The following SERPINA12 variants were observed in gnomAD, a reference collection of about 807,000 sequenced individuals.
SERPINA12 encodes the protein serpin family A member 12, also known as serpin A12.
A neutral mutation model predicts 25.9 loss-of-function variants in SERPINA12; 21 were observed. The observed-to-expected ratio is 0.81, with a 90% confidence interval of 0.58 to 1.17. SERPINA12 has a LOEUF of 1.17. Ranked by LOEUF, SERPINA12 falls within the 50% of genes most tolerant of loss-of-function variation. The pLI, the probability that SERPINA12 is intolerant of heterozygous loss-of-function variation, is 0.00. For missense variants in SERPINA12, 562 were observed against 508.3 expected (o/e 1.11, Z -1.02); for synonymous variants, 220 against 196.0 (o/e 1.12, Z -1.02).
intron 2 of SERPINA12, among the ~76,000 whole-genome samples, chr14:94,497,189 A>C (rs1900465273): frequency 6.6e-6 from 1 of 152,174 alleles, no homozygotes; most frequent in African/African-American, 2.4e-5. Flanking sequence ...AATTGGAAAC[A>C]TTCTTCCATC....
At position 94,497,807 on chromosome 14, in the gene SERPINA12, G is replaced by A. The variant is rs755586418; in HGVS notation, c.591C>T (p.Asp197=). ...TTGCAAGAAGCATCACAGTGCCGGG[G>A]TCTATATTCTCGATCAGGTTGTTAA... is the stretch of plus-strand genomic sequence containing the variant. ...GKINNLIENI[D]PGTVMLLANY... Residue 197 remains aspartate (D), a synonymous_variant, in exon 2 of 5, where the codon GAC becomes GAT. Transcript: ENST00000677451. The A allele has an allele frequency of 6.2e-6, 10 of 1,613,650 alleles. No individual in the cohort carries two copies. The Admixed American group carries it at 8.3e-5, about 13-fold the overall frequency.
intron 3 of SERPINA12, among the ~76,000 whole-genome samples, chr14:94,491,902 G>A (rs976908381): frequency 2.6e-5 from 4 of 152,296 alleles, no homozygotes; most frequent in Non-Finnish European, 4.4e-5. Context: ...CATGGCAGTC[G>A]TGGTAATAGA....
At chr14:94,489,594 G>T in intron 4 of SERPINA12, 26 bp downstream of exon 4, 2 of 1,611,802 alleles carry the variant, frequency 1.2e-6, no homozygotes, top group Non-Finnish European at 1.7e-6. Flanking sequence ...GCTGCAGGGA[G>T]TGGAGTCCAG....
rs539976250 is a variant in SERPINA12 at position 94,490,870 on chromosome 14, G to A, written c.906-1103C>T. Among the ~76,000 whole-genome samples, 45 of 152,214 alleles carry A rather than the reference G, an allele frequency of 3.0e-4. No homozygotes were observed. The East Asian group carries it at 8.1e-3, about 27-fold the overall frequency. ...AAGCATTCCAGGTCCACCCCTTGAG[G>A]CTTCTCCTCCTTCCCCACCACTCCT... On this transcript the variant is annotated intron_variant, in intron 3 of 4. Transcript: ENST00000677451.
chr14:94,496,532 A>G lies in SERPINA12; in HGVS notation c.746T>C (p.Val249Ala). Residue 249 changes from valine (V) to alanine (A), a missense_variant, in exon 3 of 5, where the codon GTT becomes GCT. Val to Ala is a moderately conservative substitution (Grantham distance 64). Coordinates refer to ENST00000677451, the MANE Select transcript of SERPINA12 (RefSeq NM_001382267.1). ...PMMFRSGIYQ[V>A]GYDDKLSCTI... ...GCAAGAGAGCTTATCGTCATAGCCA[A>G]CTTGGTATATGCCACTACGGAACAT... 2.5e-6 allele frequency: 4 copies of G among 1,613,874 alleles called. No homozygotes were observed. The highest frequency in any genetic ancestry group is 1.3e-5 in the African/African-American group (1 of 74,976).
intron 3 of SERPINA12, among the ~76,000 whole-genome samples, chr14:94,490,508 G>A (rs2236245): frequency 0.13 from 19,068 of 151,820 alleles, 1,270 homozygotes; most frequent in Middle Eastern, 0.26. Context: ...TCCTGCCTAT[G>A]TGTCCTCTCT....
At chr14:94,499,066 T>C (rs368400986) in intron 1 of SERPINA12, among the ~76,000 whole-genome samples, 1 of 152,232 alleles carries the variant, frequency 6.6e-6, no homozygotes, top group Non-Finnish European at 1.5e-5. Context: ...TTCCAAGTTA[T>C]GAAAGCCAAT....
At chr14:94,501,454 T>C (rs1258211381) in intron 1 of SERPINA12, among the ~76,000 whole-genome samples, 1 of 152,202 alleles carries the variant, frequency 6.6e-6, no homozygotes, top group Non-Finnish European at 1.5e-5. Flanking sequence ...CCCTAAACAT[T>C]GTCAAGTTTC....
At chr14:94,512,962 A>G (rs1190369743), upstream of SERPINA12, among the ~76,000 whole-genome samples, 3 of 152,228 alleles carry the variant, frequency 2.0e-5, no homozygotes, top group African/African-American at 7.2e-5. Context: ...CCACACATCT[A>G]TTCTCCAAGA....
At position 94,489,478 on chromosome 14, in the gene SERPINA12, T is replaced by C; in HGVS notation, c.1053+142A>G. The C allele has an allele frequency of 5.7e-6, 5 of 881,260 alleles. No individual in the cohort carries two copies. The South Asian group carries it at 8.9e-5, about 16-fold the overall frequency. 54.6% of individuals were successfully genotyped at this position (881,260 alleles called of 1,614,324 possible). On this transcript the variant is annotated intron_variant, in intron 4 of 4. Coordinates refer to ENST00000677451, the MANE Select transcript of SERPINA12 (RefSeq NM_001382267.1). ...GGTTTGCCCAGGATCACGGGGTTGG[T>C]AAGGGGCACAGCTGCATTCATGCCC...
At position 94,509,324 on chromosome 14, in the gene SERPINA12, A is replaced by T. The variant is rs569852834; in HGVS notation, c.-34+18T>A. Among the ~76,000 whole-genome samples, 1 of 146,276 alleles carries T rather than the reference A, an allele frequency of 6.8e-6. No homozygotes were observed. Among genetic ancestry groups the T allele is most frequent in the South Asian group, 2.2e-4 (1 of 4,544 alleles). On this transcript the variant is annotated intron_variant, in intron 1 of 4. Transcript: ENST00000677451. ...CACACACACACACACACACACACAC[A>T]CTGCCCCTTGGACTAACCTCACCTC...
upstream of SERPINA12, chr14:94,510,197 G>A (rs1456674305): frequency 1.0e-6 from 1 of 985,252 alleles, no homozygotes; most frequent in Non-Finnish European, 1.2e-6. Context: ...TGGATCTGTG[G>A]TTGCCTGAGA....
chr14:94,496,083 A>G (rs1253504798), intron 3 of SERPINA12, among the ~76,000 whole-genome samples: 3 of 151,854 alleles, frequency 2.0e-5, no homozygotes, highest in African/African-American at 7.3e-5. Flanking sequence ...ACTGCCACTC[A>G]CCCTTGAAGA....
chr14:94,511,625 T>C, upstream of SERPINA12: 1 of 985,456 alleles, frequency 1.0e-6, no homozygotes, highest in Non-Finnish European at 1.2e-6. Flanking sequence ...GCCATTCGAC[T>C]TCTCCTTTGG....
chr14:94,493,489 G>A (rs957275189), intron 3 of SERPINA12, among the ~76,000 whole-genome samples: 2 of 152,116 alleles, frequency 1.3e-5, no homozygotes, highest in Admixed American at 6.5e-5. Context: ...CAGAGGGATG[G>A]GGGAGGCAGA....
chr14:94,517,185 G>A (rs1024135513), intron 1 of SERPINA12, among the ~76,000 whole-genome samples: 3 of 149,776 alleles, frequency 2.0e-5, no homozygotes, highest in African/African-American at 7.2e-5. Context: ...CAGACAGTGG[G>A]ACCATGTGTA....
chr14:94,513,195 C>T (rs1371512929), upstream of SERPINA12, among the ~76,000 whole-genome samples: 1 of 152,220 alleles, frequency 6.6e-6, no homozygotes, highest in Non-Finnish European at 1.5e-5. Flanking sequence ...GCAGGTCACC[C>T]TTATCTGCAA....
At chr14:94,504,679 A>G (rs1900869931) in intron 1 of SERPINA12, among the ~76,000 whole-genome samples, 1 of 152,238 alleles carries the variant, frequency 6.6e-6, no homozygotes, top group African/African-American at 2.4e-5. Context: ...AAGAACAGGA[A>G]TTAAAAATTC....
chr14:94,509,246 C>A lies in SERPINA12; in HGVS notation c.-34+96G>T, dbSNP rs17094914. ...GTCTATTTGAGTGATCACCTTGGCC[C>A]TTGGTTGTCTTCTCTAAGACAGAGA... On this transcript the variant is annotated intron_variant, in intron 1 of 4. Transcript: ENST00000677451. Among the ~76,000 whole-genome samples, 116 of 150,710 alleles carry A rather than the reference C, an allele frequency of 7.7e-4. 1 individual carries two copies. Among genetic ancestry groups the A allele is most frequent in the African/African-American group, 2.5e-3 (104 of 40,898 alleles).
Sources: gnomAD v4.1 joint callset for allele counts (sites outside exome capture counted in the v4.1 genomes callset) on GRCh38, gnomAD v4.1.1 for gene constraint, MANE v1.5 for transcripts, NCBI Gene and HGNC (gene_info 2026-07-23, HGNC 2026-07-21) for gene names.